NELL1: variants seen among roughly 807,000 people sequenced by gnomAD.
NELL1 encodes protein kinase C-binding protein NELL1.
Under a neutral mutation model 107.4 loss-of-function variants are expected in NELL1, and 76 were observed. That is an observed-to-expected ratio of 0.71 (90% confidence interval 0.59 to 0.86). NELL1 has a LOEUF of 0.86. Among genes scored for constraint, NELL1 ranks in the 40% least tolerant of loss-of-function variants. The probability of loss-of-function intolerance (pLI) is 0.00; values close to 1 mark genes in which losing one functional copy is unlikely to be tolerated. For synonymous variants in NELL1, 353 were observed against 341.2 expected, an observed-to-expected ratio of 1.03 and a Z score of -0.38; for missense variants, 1,024 against 1,005.5, an observed-to-expected ratio of 1.02 and a Z score of -0.25.
At chr11:21,468,497 G>T (rs1854088076) in intron 15 of NELL1, among the ~76,000 whole-genome samples, 1 of 151,928 alleles carries the variant, frequency 6.6e-6, no homozygotes, top group Non-Finnish European at 1.5e-5. Context: ...ATTACAGTGT[G>T]AATTATCTGT....
At chr11:20,812,731 G>A (rs985184656) in intron 3 of NELL1, among the ~76,000 whole-genome samples, 2 of 151,990 alleles carry the variant, frequency 1.3e-5, no homozygotes, top group South Asian at 2.1e-4. Flanking sequence ...CAGAGGGGCC[G>A]GGCGCGGTGG....
intron 9 of NELL1, 149 bp from the exon 10 acceptor site, chr11:20,937,637 C>T: frequency 1.6e-6 from 1 of 632,408 alleles, no homozygotes; most frequent in South Asian, 2.0e-5. Flanking sequence ...ATCCTCCACA[C>T]AATTCCTTTC....
In NELL1 at chr11:20,910,141, G is replaced by T. The variant is rs531286053; in HGVS notation, c.604-8041G>T. ...TCAGTGCCATGGTGATTAACTCCTG[G>T]CTGGGGCAATGTTGACGACTGGACC... On this transcript the variant is annotated intron_variant, in intron 5 of 19. Transcript: ENST00000357134. 2.0e-4 allele frequency among the ~76,000 whole-genome samples: 30 copies of T among 152,274 alleles called. No individual in the cohort carries two copies. The South Asian group carries it at 5.4e-3, about 27-fold the overall frequency.
At chr11:21,483,900 T>TATATAA (rs989602432) in intron 15 of NELL1, among the ~76,000 whole-genome samples, 2 of 142,880 alleles carry the variant, frequency 1.4e-5, no homozygotes, top group African/African-American at 5.1e-5. Context: ...TATATATATA[T>TATATAA]AAAATATTCC....
At chr11:20,822,442 G>C (rs378575) in intron 3 of NELL1, among the ~76,000 whole-genome samples, 2 of 152,116 alleles carry the variant, frequency 1.3e-5, no homozygotes, top group African/African-American at 4.8e-5. Flanking sequence ...TTGAATGAAT[G>C]CGACAAACTT....
chr11:20,701,196 C>T (rs936375679), intron 2 of NELL1, among the ~76,000 whole-genome samples: 5 of 152,208 alleles, frequency 3.3e-5, no homozygotes, highest in South Asian at 4.1e-4. Context: ...TTAATAATTG[C>T]CATTCTAACT....
rs552271608 is a variant in NELL1, at chr11:21,070,072, C to T, written c.1301-43517C>T. On this transcript the variant is annotated intron_variant, in intron 12 of 19. Coordinates refer to ENST00000357134, the MANE Select transcript of NELL1 (RefSeq NM_006157.5). ...AAAATAGTTTCCTTGCCTGAAATGA[C>T]GGGTTTGCTCATCTCACACCTCGAC... is the stretch of plus-strand genomic sequence containing the variant. 1.5e-3 allele frequency among the ~76,000 whole-genome samples: 235 copies of T among 151,686 alleles called. 2 individuals are homozygous for T. Among genetic ancestry groups the T allele is most frequent in the African/African-American group, 5.1e-3 (210 of 41,340 alleles).
chr11:21,057,759 A>G (rs557330183), intron 12 of NELL1, among the ~76,000 whole-genome samples: 1 of 152,026 alleles, frequency 6.6e-6, no homozygotes, highest in African/African-American at 2.4e-5. Context: ...CCCAAAATAT[A>G]AAAACTGACT....
intron 2 of NELL1, among the ~76,000 whole-genome samples, chr11:20,758,917 A>G (rs904836643): frequency 2.6e-5 from 4 of 152,220 alleles, no homozygotes; most frequent in African/African-American, 9.6e-5. Flanking sequence ...GGTAATAAGT[A>G]CTTAAAAAAT....
intron 15 of NELL1, among the ~76,000 whole-genome samples, chr11:21,402,407 G>A (rs1410649928): frequency 6.6e-6 from 1 of 151,776 alleles, no homozygotes; most frequent in Non-Finnish European, 1.5e-5. Flanking sequence ...ATTTAGAGAT[G>A]ACAATTTTGG....
chr11:21,046,492 G>A (rs998188130), intron 12 of NELL1, among the ~76,000 whole-genome samples: 7 of 151,776 alleles, frequency 4.6e-5, no homozygotes, highest in South Asian at 2.1e-4. Context: ...CAAGACCTTC[G>A]TTTATATCAT....
At chr11:20,759,090 T>C (rs1156545918) in intron 2 of NELL1, among the ~76,000 whole-genome samples, 2 of 152,348 alleles carry the variant, frequency 1.3e-5, no homozygotes, top group Admixed American at 1.3e-4. Flanking sequence ...TGTTAAGCAG[T>C]GTAGCTAAGT....
At chr11:21,198,405 A>G (rs1380586247) in intron 13 of NELL1, among the ~76,000 whole-genome samples, 1 of 152,202 alleles carries the variant, frequency 6.6e-6, no homozygotes, top group African/African-American at 2.4e-5. Context: ...AAGGAGGGCA[A>G]GGTTACACTG....
chr11:21,414,687 G>A (rs926868203), intron 15 of NELL1, among the ~76,000 whole-genome samples: 1 of 151,976 alleles, frequency 6.6e-6, no homozygotes, highest in Admixed American at 6.6e-5. Flanking sequence ...GATTTTCACT[G>A]CATCATTTGG....
At position 21,099,875 on chromosome 11, in the gene NELL1, T is replaced by A. The variant is rs928186619; in HGVS notation, c.1301-13714T>A. Among the ~76,000 whole-genome samples the A allele has an allele frequency of 3.3e-5, 5 of 152,238 alleles. No individual in the cohort carries two copies. The South Asian group carries it at 8.3e-4, about 25-fold the overall frequency. Reference sequence around the variant, plus strand: ...ACAGGCCTGGGATTGGTACCCTTTTTATTTTTCAACAACTTTACTGAGATA... The same window carrying A: ...ACAGGCCTGGGATTGGTACCCTTTTAATTTTTCAACAACTTTACTGAGATA... On this transcript the variant is annotated intron_variant, in intron 12 of 19. Transcript: ENST00000357134.
intron 12 of NELL1, among the ~76,000 whole-genome samples, chr11:21,103,465 T>A (rs1315039070): frequency 2.0e-5 from 3 of 152,200 alleles, no homozygotes; most frequent in Non-Finnish European, 4.4e-5. Context: ...TCCTGCTAGT[T>A]AATCTCTTGA....
intron 15 of NELL1, among the ~76,000 whole-genome samples, chr11:21,397,390 A>T (rs1199573302): frequency 6.6e-6 from 1 of 151,630 alleles, no homozygotes; most frequent in Non-Finnish European, 1.5e-5. Context: ...TATTGTAAAA[A>T]ATGGGAAAAT....
intron 3 of NELL1, among the ~76,000 whole-genome samples, chr11:20,828,121 A>C (rs1857924663): frequency 6.6e-6 from 1 of 151,236 alleles, no homozygotes; most frequent in Non-Finnish European, 1.5e-5. Flanking sequence ...ATTTTCTTGG[A>C]TGACTTTATA....
intron 12 of NELL1, among the ~76,000 whole-genome samples, chr11:21,085,922 G>C (rs1854380895): frequency 1.3e-5 from 2 of 152,250 alleles, no homozygotes; most frequent in South Asian, 4.1e-4. Context: ...GCTGTGGGAA[G>C]AGTGAACTTT....
Sources: gnomAD v4.1 joint callset for allele counts (sites outside exome capture counted in the v4.1 genomes callset) on GRCh38, gnomAD v4.1.1 for gene constraint, MANE v1.5 for transcripts, NCBI Gene and HGNC (gene_info 2026-07-23, HGNC 2026-07-21) for gene names.